Variants in SLC45A4 observed in about 807,000 individuals in gnomAD.
SLC45A4 encodes solute carrier family 45 member 4.
SLC45A4 carries 32 observed loss-of-function variants against 63.7 expected under a neutral mutation model. That is an observed-to-expected ratio of 0.50 (90% confidence interval 0.38 to 0.67). The LOEUF (loss-of-function observed/expected upper bound fraction) is 0.67, where lower values mean the gene tolerates loss of function less well. Ranked by LOEUF, SLC45A4 falls within the 30% of genes least tolerant of loss-of-function variation. SLC45A4 has a pLI of 0.00. For synonymous variants in SLC45A4, 535 were observed against 510.0 expected (o/e 1.05, Z -0.66); for missense variants, 1,027 against 1,157.7 (o/e 0.89, Z 1.64).
intron 2 of SLC45A4, among the ~76,000 whole-genome samples, chr8:141,244,420 C>T (rs1057318482): frequency 2.6e-5 from 4 of 152,202 alleles, no homozygotes; most frequent in South Asian, 2.1e-4. Context: ...GCAAGTCACT[C>T]GTTCAGTCCT....
intron 1 of SLC45A4, among the ~76,000 whole-genome samples, chr8:141,272,294 C>T (rs1297464153): frequency 2.0e-5 from 3 of 152,200 alleles, no homozygotes; most frequent in East Asian, 3.8e-4. Flanking sequence ...TACACTAAAG[C>T]CAAAATCTGA....
At chr8:141,231,979 C>T (rs964243132) in intron 2 of SLC45A4, among the ~76,000 whole-genome samples, 9 of 152,248 alleles carry the variant, frequency 5.9e-5, no homozygotes, top group East Asian at 1.9e-4. Flanking sequence ...CTCCAGGTCA[C>T]GTAGCACTGC....
At chr8:141,291,224 AT>A (rs1830336175) in intron 1 of SLC45A4, among the ~76,000 whole-genome samples, 2 of 152,170 alleles carry the variant, frequency 1.3e-5, no homozygotes, top group East Asian at 3.8e-4. Flanking sequence ...ATCTATTTGC[AT>A]TTTTGTGAGA....
rs774322511 is a variant in SLC45A4 at position 141,211,423 on chromosome 8, T to C, written c.*149A>G. ...CCAGCCCATCCCTGGGCAGGGTGTC[T>C]GGGAGCCACCCCTGCAAATCACTGT... On this transcript the variant is annotated 3_prime_UTR_variant, in exon 9 of 9. Coordinates refer to ENST00000517878, the MANE Select transcript of SLC45A4 (RefSeq NM_001286646.2). The C allele has an allele frequency of 1.3e-6, 2 of 1,555,870 alleles. No individual in the cohort carries two copies. The highest frequency in any genetic ancestry group is 1.7e-6 in the Non-Finnish European group (2 of 1,152,434).
intron 2 of SLC45A4, among the ~76,000 whole-genome samples, chr8:141,246,496 A>G (rs960851680): frequency 3.3e-5 from 5 of 152,292 alleles, no homozygotes; most frequent in African/African-American, 1.2e-4. Flanking sequence ...CAAGATGTGC[A>G]GGCCAAGGCA....
intron 1 of SLC45A4, among the ~76,000 whole-genome samples, chr8:141,258,159 G>GC (rs1192089220): frequency 6.8e-6 from 1 of 146,678 alleles, no homozygotes; most frequent in Non-Finnish European, 1.5e-5. Context: ...CGCTGGATCT[G>GC]CCCCCTGGGT....
chr8:141,245,150 G>A (rs1408095736), intron 2 of SLC45A4, among the ~76,000 whole-genome samples: 1 of 152,190 alleles, frequency 6.6e-6, no homozygotes, highest in Non-Finnish European at 1.5e-5. Context: ...AACAATTACA[G>A]GCTCTGTTCT....
In SLC45A4 at chr8:141,254,845, G is replaced by A. The variant is rs991139667; in HGVS notation, c.-400-216C>T. On this transcript the variant is annotated intron_variant, in intron 1 of 8. Transcript: ENST00000517878. This position sits in a 1 kb window ranked among gnomAD's most constrained non-coding sequence, Gnocchi z 4.5. ...CATACGAAAGTGAATCCTGGGGAAG[G>A]ACAAAGGTGGGGCAATCAAGGAAAG... is the stretch of plus-strand genomic sequence containing the variant. 3.9e-5 allele frequency: 18 copies of A among 459,544 alleles called. No homozygotes were observed. Among genetic ancestry groups the A allele is most frequent in the African/African-American group, 5.9e-5 (3 of 50,738 alleles). 28.5% of individuals were successfully genotyped at this position (459,544 alleles called of 1,614,324 possible).
chr8:141,218,014 G>A lies in SLC45A4; in HGVS notation c.1626C>T (p.Pro542=), dbSNP rs1569557988. Residue 542 remains proline (P), a synonymous_variant, in exon 5 of 9, where the codon CCC becomes CCT. Coordinates refer to ENST00000517878, the MANE Select transcript of SLC45A4 (RefSeq NM_001286646.2). ...FMGQVIFEGD[P]KAPSNSTAWQ... Reference sequence around the variant, plus strand: ...GCTCCGGTGGCCGAGCACTCACCTTGGGGTCGCCTTCGAAGATGACCTGGC... The same window carrying A: ...GCTCCGGTGGCCGAGCACTCACCTTAGGGTCGCCTTCGAAGATGACCTGGC... 1 of 1,598,728 alleles carries A rather than the reference G, an allele frequency of 6.3e-7. No homozygotes were observed. Among genetic ancestry groups the A allele is most frequent in the Non-Finnish European group, 8.5e-7 (1 of 1,172,218 alleles).
chr8:141,305,374 A>G (rs1830866673), intron 1 of SLC45A4, among the ~76,000 whole-genome samples: 1 of 152,128 alleles, frequency 6.6e-6, no homozygotes, highest in South Asian at 2.1e-4. Flanking sequence ...CCCTCTGGTC[A>G]AATCTGTTTC....
intron 1 of SLC45A4, among the ~76,000 whole-genome samples, chr8:141,261,602 A>T (rs1829040039): frequency 6.6e-6 from 1 of 152,224 alleles, no homozygotes; most frequent in African/African-American, 2.4e-5. Context: ...GAGCCAAATC[A>T]TGAGTGACCC....
intron 1 of SLC45A4, among the ~76,000 whole-genome samples, chr8:141,298,320 C>T (rs1008615623): frequency 6.6e-6 from 1 of 152,238 alleles, no homozygotes; most frequent in Non-Finnish European, 1.5e-5. Context: ...AGACGTTTTC[C>T]GCACCCAGCC....
At chr8:141,295,703 G>A (rs1267261957) in intron 1 of SLC45A4, among the ~76,000 whole-genome samples, 6 of 152,180 alleles carry the variant, frequency 3.9e-5, no homozygotes, top group African/African-American at 1.2e-4. Flanking sequence ...TTGACCACTC[G>A]GAACCCAACA....
intron 1 of SLC45A4, among the ~76,000 whole-genome samples, chr8:141,263,845 GT>G (rs1829149215): frequency 6.6e-6 from 1 of 151,860 alleles, no homozygotes; most frequent in South Asian, 2.1e-4. Flanking sequence ...TTAATTAAGG[GT>G]CCTATCACCT....
At position 141,218,101 on chromosome 8, in the gene SLC45A4, G is replaced by A. The variant is rs1826289033; in HGVS notation, c.1539C>T (p.Leu513=). The A allele has an allele frequency of 6.2e-7, 1 of 1,612,690 alleles. No homozygotes were observed. The highest frequency in any genetic ancestry group is 8.5e-7 in the Non-Finnish European group (1 of 1,179,972). ...CAGAGAACCAGGTGAGGAGGTGGCAGAGGCACAGCCGCATCAGCTCCCTGG... is the reference window on the plus strand; with the variant it reads ...CAGAGAACCAGGTGAGGAGGTGGCAAAGGCACAGCCGCATCAGCTCCCTGG... ...KMPRELMRLC[L]CHLLTWFSVI... The change falls in exon 5 of 9, where the codon CTC becomes CTT. Residue 513 remains leucine, a synonymous_variant. Transcript: ENST00000517878.
Position 141,254,249 on chromosome 8 carries a change from A to G in SLC45A4, c.-20T>C. ...TTTCATTACCACCAAAAATATATGT[A>G]TTTATCTATATATTCTATCTATATA... On this transcript the variant is annotated 5_prime_UTR_variant, in exon 2 of 9. Coordinates refer to ENST00000517878, the MANE Select transcript of SLC45A4 (RefSeq NM_001286646.2). This position sits in a 1 kb window ranked among gnomAD's most constrained non-coding sequence, Gnocchi z 4.5. 6.6e-7 allele frequency: 1 copy of G among 1,514,302 alleles called. No homozygotes were observed. Among genetic ancestry groups the G allele is most frequent in the Admixed American group, 2.1e-5 (1 of 47,616 alleles). The allele number at this position is 1,514,302 out of a possible 1,614,324, so 93.8% of individuals were successfully genotyped here.
rs3739242 is a variant in SLC45A4 at position 141,209,711 on chromosome 8, G to T, written c.*1861C>A. The T allele has an allele frequency of 6.6e-6, 1 of 152,224 alleles. No homozygotes were observed. Among genetic ancestry groups the T allele is most frequent in the Non-Finnish European group, 1.5e-5 (1 of 68,064 alleles). 9.4% of individuals were successfully genotyped at this position (152,224 alleles called of 1,614,324 possible). A position where few individuals can be genotyped will look rare whatever the true frequency, so the allele number is the denominator to read the frequency against. On this transcript the variant is annotated 3_prime_UTR_variant, in exon 9 of 9. Coordinates refer to ENST00000517878, the MANE Select transcript of SLC45A4 (RefSeq NM_001286646.2). ...CCTGGCTGGCACTGGCTTCCGGCACGTTCATACCCTGACAGTGACTGTGGC... is the reference window on the plus strand; with the variant it reads ...CCTGGCTGGCACTGGCTTCCGGCACTTTCATACCCTGACAGTGACTGTGGC...
chr8:141,307,314 C>A (rs954740755), intron 1 of SLC45A4, among the ~76,000 whole-genome samples: 2 of 152,124 alleles, frequency 1.3e-5, no homozygotes, highest in African/African-American at 4.8e-5. Flanking sequence ...AATCTGGGCC[C>A]GGATGAACTG....
intron 1 of SLC45A4, among the ~76,000 whole-genome samples, chr8:141,287,740 CAGA>C (rs1195667363): frequency 6.6e-6 from 1 of 152,252 alleles, no homozygotes; most frequent in East Asian, 1.9e-4. Context: ...CTCTGCTGGG[CAGA>C]AGCAGGCAGC....
Sources: allele counts gnomAD v4.1 joint callset (sites outside exome capture counted in the v4.1 genomes callset), GRCh38; gene constraint gnomAD v4.1.1; non-coding constraint Gnocchi (gnomAD v3.1); transcripts MANE v1.5; gene names NCBI Gene and HGNC (gene_info 2026-07-23, HGNC 2026-07-21).